The following PTPRG variants were observed in gnomAD, a reference collection of about 807,000 sequenced individuals.
PTPRG encodes receptor-type tyrosine-protein phosphatase gamma.
In PTPRG, 102 loss-of-function variants were observed where a neutral mutation model predicts 165.3. The observed-to-expected ratio is 0.62, with a 90% CI of 0.53 to 0.73. The LOEUF (loss-of-function observed/expected upper bound fraction) is 0.73. Ranked by LOEUF, PTPRG falls within the 30% of genes least tolerant of loss-of-function variation. The pLI is 0.00. For missense variants in PTPRG, 1,866 were observed against 1,861.4 expected, an observed-to-expected ratio of 1.00 and a Z score of -0.05; for synonymous variants, 675 against 669.5, an observed-to-expected ratio of 1.01 and a Z score of -0.13.
chr3:61,591,451 T>C (rs1700567056), intron 1 of PTPRG, among the ~76,000 whole-genome samples: 1 of 152,210 alleles, frequency 6.6e-6, no homozygotes. Flanking sequence ...GGACCTCCTA[T>C]CTGCTGTGTC....
chr3:62,116,125 A>G (rs1702858389), intron 5 of PTPRG, among the ~76,000 whole-genome samples: 1 of 152,182 alleles, frequency 6.6e-6, no homozygotes, highest in East Asian at 1.9e-4. Context: ...CCCAAAGTCA[A>G]CCAGCTAACC....
chr3:61,662,393 A>G (rs6806874), intron 1 of PTPRG, among the ~76,000 whole-genome samples: 4,491 of 152,272 alleles, frequency 0.029, 225 homozygotes, highest in African/African-American at 0.1. Context: ...TGATAGCCAT[A>G]TAAGTAAGCC....
At chr3:61,711,924 A>T (rs1189507978) in intron 1 of PTPRG, among the ~76,000 whole-genome samples, 8 of 131,356 alleles carry the variant, frequency 6.1e-5, no homozygotes, top group Admixed American at 4.4e-4. Flanking sequence ...ACGGAGTTTC[A>T]CTCTTGTTGC....
At chr3:62,082,971 G>A (rs1276758745) in intron 5 of PTPRG, among the ~76,000 whole-genome samples, 4 of 152,170 alleles carry the variant, frequency 2.6e-5, no homozygotes, top group Admixed American at 6.5e-5. Flanking sequence ...CCTATCGAAA[G>A]CATAGGGGAA....
intron 2 of PTPRG, among the ~76,000 whole-genome samples, chr3:61,929,782 T>C (rs2039313915): frequency 6.6e-6 from 1 of 152,222 alleles, no homozygotes; most frequent in African/African-American, 2.4e-5. Flanking sequence ...GTGGGTTCTT[T>C]CTAACGTGTC....
chr3:62,033,013 A>G (rs913197429), intron 4 of PTPRG, among the ~76,000 whole-genome samples: 24 of 152,164 alleles, frequency 1.6e-4, no homozygotes, highest in Admixed American at 9.8e-4. Flanking sequence ...TCTTGTTTTA[A>G]TCTCACATTG....
chr3:61,761,077 T>C (rs2033818433), intron 2 of PTPRG, among the ~76,000 whole-genome samples: 1 of 152,220 alleles, frequency 6.6e-6, no homozygotes, highest in Admixed American at 6.5e-5. Context: ...GCATGTATCT[T>C]TGTAACAGAA....
At chr3:62,019,676 A>G (rs563925813) in intron 4 of PTPRG, among the ~76,000 whole-genome samples, 82 of 152,292 alleles carry the variant, frequency 5.4e-4, no homozygotes, top group African/African-American at 1.9e-3. Context: ...AATGGTAAGT[A>G]CGGGAGGTGA....
intron 2 of PTPRG, among the ~76,000 whole-genome samples, chr3:61,881,527 A>C (rs746753558): frequency 1.3e-5 from 2 of 152,214 alleles, no homozygotes; most frequent in Non-Finnish European, 2.9e-5. Context: ...CCGTCACTGC[A>C]TGCAGATCTG....
At chr3:61,872,755 G>T (rs13074883) in intron 2 of PTPRG, among the ~76,000 whole-genome samples, 4,840 of 152,270 alleles carry the variant, frequency 0.032, 112 homozygotes, top group Non-Finnish European at 0.051. Context: ...CTGTGCTAGT[G>T]TGCTCTTTTT....
At chr3:62,264,770 T>C (rs1274605911) in intron 17 of PTPRG, among the ~76,000 whole-genome samples, 2 of 152,226 alleles carry the variant, frequency 1.3e-5, no homozygotes, top group Non-Finnish European at 2.9e-5. Context: ...CAAGTCTTTA[T>C]GTAGACAGAT....
chr3:62,124,423 C>T lies in PTPRG; in HGVS notation c.616-8179C>T, dbSNP rs564045804. On this transcript the variant is annotated intron_variant, in intron 5 of 29. Coordinates refer to ENST00000474889, the MANE Select transcript of PTPRG (RefSeq NM_002841.4). ...AGTCGATGACGTGCTGCAGGATTTCCATCTTGCTCACATTCTTGTTCTGGG... is the reference window on the plus strand; with the variant it reads ...AGTCGATGACGTGCTGCAGGATTTCTATCTTGCTCACATTCTTGTTCTGGG... 8.2e-5 allele frequency: 133 copies of T among 1,613,916 alleles called. 3 individuals are homozygous for T. The South Asian group carries it at 1.4e-3, about 18-fold the overall frequency.
intron 1 of PTPRG, among the ~76,000 whole-genome samples, chr3:61,660,186 C>T (rs1278607911): frequency 2.0e-5 from 3 of 152,176 alleles, no homozygotes; most frequent in Admixed American, 2.0e-4. Flanking sequence ...GATCATGCCA[C>T]TGCACTCCAG....
intron 2 of PTPRG, among the ~76,000 whole-genome samples, chr3:61,906,553 T>A (rs1439812226): frequency 6.6e-6 from 1 of 152,132 alleles, no homozygotes; most frequent in Non-Finnish European, 1.5e-5. Context: ...GAGGATCACT[T>A]TAGCCCAGGA....
intron 1 of PTPRG, among the ~76,000 whole-genome samples, chr3:61,724,778 G>A (rs1481449122): frequency 1.3e-5 from 2 of 151,944 alleles, no homozygotes; most frequent in Non-Finnish European, 2.9e-5. Flanking sequence ...CTCATTTGCT[G>A]TCCTGTCTTT....
Position 62,280,653 on chromosome 3 carries a change from G to A in PTPRG, c.3766-910G>A, listed in dbSNP as rs555209568. On this transcript the variant is annotated intron_variant, in intron 26 of 29. Coordinates refer to ENST00000474889, the MANE Select transcript of PTPRG (RefSeq NM_002841.4). ...AGCCATGATGGAAAACTGTCTGGAG[G>A]TTTCTAAATAAATTAAAAATAGAAC... Among the ~76,000 whole-genome samples the A allele has an allele frequency of 2.0e-5, 3 of 151,972 alleles. No individual in the cohort carries two copies. The East Asian group carries it at 5.8e-4, about 29-fold the overall frequency.
intron 14 of PTPRG, among the ~76,000 whole-genome samples, chr3:62,238,066 A>G (rs984081706): frequency 1.3e-5 from 2 of 152,242 alleles, no homozygotes; most frequent in Non-Finnish European, 2.9e-5. Context: ...GCACTTCGGT[A>G]GCATTTAGGG....
intron 2 of PTPRG, among the ~76,000 whole-genome samples, chr3:61,928,832 A>T (rs1340125398): frequency 6.6e-6 from 1 of 152,202 alleles, no homozygotes; most frequent in African/African-American, 2.4e-5. Flanking sequence ...TAGATGTAAT[A>T]AAATATTTCA....
intron 5 of PTPRG, among the ~76,000 whole-genome samples, chr3:62,106,654 C>T (rs1702484130): frequency 6.6e-6 from 1 of 152,122 alleles, no homozygotes; most frequent in Non-Finnish European, 1.5e-5. Flanking sequence ...GGGCATGTGC[C>T]ACCACGCCTT....
Sources: gnomAD v4.1 joint callset for allele counts (sites outside exome capture counted in the v4.1 genomes callset) on GRCh38, gnomAD v4.1.1 for gene constraint, MANE v1.5 for transcripts, NCBI Gene and HGNC (gene_info 2026-07-23, HGNC 2026-07-21) for gene names.